Variants in EYS observed in about 807,000 individuals in gnomAD.
EYS encodes protein eyes shut homolog.
Under a neutral mutation model 282.1 loss-of-function variants are expected in EYS, and 250 were observed. That is an observed-to-expected ratio of 0.89 (90% CI 0.80 to 0.98). EYS has a LOEUF of 0.98. EYS is among the 50% of genes least tolerant of loss of function. The pLI, the probability that EYS is intolerant of heterozygous loss-of-function variation, is 0.00. For synonymous variants in EYS, 1,355 were observed against 1,282.9 expected, an observed-to-expected ratio of 1.06 and a Z score of -1.20; for missense variants, 4,016 against 3,709.0, an observed-to-expected ratio of 1.08 and a Z score of -2.15.
rs1211235615 is a variant in EYS at position 63,838,307 on chromosome 6, TA to T, written c.7228+25878del. 2.6e-5 allele frequency among the ~76,000 whole-genome samples: 4 copies of T among 152,092 alleles called. No homozygotes were observed. The South Asian group carries it at 8.3e-4, about 32-fold the overall frequency. On this transcript the variant is annotated intron_variant, in intron 36 of 42. Coordinates refer to ENST00000503581, the MANE Select transcript of EYS (RefSeq NM_001142800.2). The stretch of plus-strand genomic sequence containing the variant: ...AAGTGATGTGTAATAGGAACTAACA[TA>T]AATAGACGTTAGTATAAAGATTTAT...
chr6:64,192,085 G>A (rs1433137381), intron 31 of EYS, among the ~76,000 whole-genome samples: 1 of 138,124 alleles, frequency 7.2e-6, no homozygotes, highest in African/African-American at 2.6e-5. Context: ...GCCAGTGATG[G>A]TAAGCATTTT....
chr6:64,201,961 T>C (rs1765469038), intron 31 of EYS, among the ~76,000 whole-genome samples: 1 of 152,154 alleles, frequency 6.6e-6, no homozygotes. Context: ...TGCAGGTTAG[T>C]GAACATGCTA....
chr6:65,135,474 T>C (rs1775996812), intron 12 of EYS, among the ~76,000 whole-genome samples: 1 of 152,038 alleles, frequency 6.6e-6, no homozygotes, highest in Non-Finnish European at 1.5e-5. Context: ...TGGATGATTA[T>C]GAATATAGGA....
chr6:63,899,872 C>A (rs1263218130), intron 35 of EYS, among the ~76,000 whole-genome samples: 2 of 152,098 alleles, frequency 1.3e-5, no homozygotes, highest in East Asian at 3.8e-4. Context: ...TAAATAGATT[C>A]CTTAAGGAGT....
intron 28 of EYS, among the ~76,000 whole-genome samples, chr6:64,413,318 G>A (rs996637309): frequency 1.3e-5 from 2 of 152,060 alleles, no homozygotes; most frequent in African/African-American, 4.8e-5. Context: ...TGGCTTCTCA[G>A]CCATCATTAG....
intron 35 of EYS, among the ~76,000 whole-genome samples, chr6:63,878,853 C>T (rs1448579624): frequency 1.3e-5 from 2 of 152,226 alleles, no homozygotes; most frequent in South Asian, 2.1e-4. Context: ...GGGAGTGTCC[C>T]GATTTTCCAG....
intron 31 of EYS, among the ~76,000 whole-genome samples, chr6:64,205,596 T>G (rs1227989429): frequency 2.0e-5 from 3 of 152,174 alleles, no homozygotes; most frequent in Admixed American, 2.0e-4. Flanking sequence ...AAAGTAATTA[T>G]GTGCAGACAT....
At position 65,201,861 on chromosome 6, in the gene EYS, C is replaced by A. The variant is rs538068186; in HGVS notation, c.2023+94002G>T. ...TGCACAGTATCTCATGCCTGTAATTCCAGCACTTTGAGAAGCCGAGGCAGG... is the reference window on the plus strand; with the variant it reads ...TGCACAGTATCTCATGCCTGTAATTACAGCACTTTGAGAAGCCGAGGCAGG... On this transcript the variant is annotated intron_variant, in intron 12 of 42. Coordinates refer to ENST00000503581, the MANE Select transcript of EYS (RefSeq NM_001142800.2). 3.9e-5 allele frequency among the ~76,000 whole-genome samples: 6 copies of A among 152,106 alleles called. No homozygotes were observed. The South Asian group carries it at 1.2e-3, about 32-fold the overall frequency.
intron 5 of EYS, among the ~76,000 whole-genome samples, chr6:65,447,364 A>G (rs1180447925): frequency 6.8e-6 from 1 of 146,670 alleles, no homozygotes; most frequent in Admixed American, 6.9e-5. Context: ...GTATATAGTT[A>G]TATATATAAA....
At chr6:65,098,373 A>C (rs576852905) in intron 12 of EYS, among the ~76,000 whole-genome samples, 56 of 150,876 alleles carry the variant, frequency 3.7e-4, no homozygotes, top group African/African-American at 1.3e-3. Context: ...AATCCAGCTG[A>C]GATCCTGTTT....
intron 26 of EYS, among the ~76,000 whole-genome samples, chr6:64,578,941 T>C (rs1240273543): frequency 6.6e-6 from 1 of 152,242 alleles, no homozygotes; most frequent in African/African-American, 2.4e-5. Flanking sequence ...CAACTTGTCA[T>C]ACTGCACCAC....
At chr6:65,444,658 G>C (rs1160729614) in intron 5 of EYS, among the ~76,000 whole-genome samples, 1 of 152,004 alleles carries the variant, frequency 6.6e-6, no homozygotes, top group East Asian at 1.9e-4. Flanking sequence ...CATTCTGCTA[G>C]GCAGTCTACC....
At chr6:64,334,505 T>C (rs376590262) in intron 29 of EYS, among the ~76,000 whole-genome samples, 1 of 152,120 alleles carries the variant, frequency 6.6e-6, no homozygotes, top group African/African-American at 2.4e-5. Flanking sequence ...GAAAGAATTA[T>C]CAAATACTAT....
At chr6:64,845,218 G>C (rs1343967155) in intron 19 of EYS, among the ~76,000 whole-genome samples, 1 of 152,036 alleles carries the variant, frequency 6.6e-6, no homozygotes, top group African/African-American at 2.4e-5. Context: ...TTGAGCCTGG[G>C]AGGCAAAGGT....
intron 13 of EYS, among the ~76,000 whole-genome samples, chr6:65,013,363 T>A (rs550144509): frequency 1.2e-4 from 19 of 152,296 alleles, no homozygotes; most frequent in African/African-American, 4.3e-4. Context: ...TAATATGTAA[T>A]GAGCCCTTGT....
chr6:64,151,140 T>G (rs1185377194), intron 31 of EYS, among the ~76,000 whole-genome samples: 1 of 151,362 alleles, frequency 6.6e-6, no homozygotes, highest in Admixed American at 6.6e-5. Context: ...CAAAGGTCTA[T>G]AAGTAGGAGG....
At chr6:64,597,554 T>C (rs1472943442) in intron 24 of EYS, among the ~76,000 whole-genome samples, 1 of 152,146 alleles carries the variant, frequency 6.6e-6, no homozygotes, top group Non-Finnish European at 1.5e-5. Flanking sequence ...AGGTGTTTTG[T>C]AGCAATGTGG....
chr6:63,772,170 T>C (rs1769946504), intron 40 of EYS, among the ~76,000 whole-genome samples: 1 of 149,978 alleles, frequency 6.7e-6, no homozygotes, highest in African/African-American at 2.5e-5. Flanking sequence ...AAGAAAGATT[T>C]TTTTTTTTGA....
At chr6:65,002,254 T>G (rs1347633189) in intron 13 of EYS, among the ~76,000 whole-genome samples, 1 of 147,730 alleles carries the variant, frequency 6.8e-6, no homozygotes, top group South Asian at 2.2e-4. Context: ...TCAGAAATGA[T>G]ACAATACTGA....
Sources: gnomAD v4.1 joint callset for allele counts (sites outside exome capture counted in the v4.1 genomes callset) on GRCh38, gnomAD v4.1.1 for gene constraint, MANE v1.5 for transcripts, NCBI Gene and HGNC (gene_info 2026-07-23, HGNC 2026-07-21) for gene names.